The following CEP68 variants were observed in gnomAD, a reference collection of about 807,000 sequenced individuals.
CEP68 encodes centrosomal protein of 68 kDa.
CEP68 carries 26 observed loss-of-function variants against 55.3 expected under a neutral mutation model. The observed-to-expected ratio is 0.47, with a 90% confidence interval of 0.34 to 0.65. The LOEUF is 0.65. Ranked by LOEUF, CEP68 falls within the 30% of genes least tolerant of loss-of-function variation. The pLI is 0.01. For missense variants in CEP68, 957 were observed against 946.7 expected (o/e 1.01, Z -0.14); for synonymous variants, 402 against 383.2 (o/e 1.05, Z -0.57).
intron 1 of CEP68, among the ~76,000 whole-genome samples, chr2:65,056,779 G>C (rs1171725783): frequency 1.3e-5 from 2 of 152,098 alleles, no homozygotes; most frequent in South Asian, 4.1e-4. Context: ...TGTGGCGGCC[G>C]AGGGGTCGGG....
chr2:65,081,223 AAAAG>A (rs1676997858), intron 5 of CEP68, among the ~76,000 whole-genome samples: 1 of 151,334 alleles, frequency 6.6e-6, no homozygotes, highest in Non-Finnish European at 1.5e-5. Context: ...AAAAAAAAAA[AAAAG>A]AAACTGGAGG....
chr2:65,056,691 G>A (rs1402315092), intron 1 of CEP68, among the ~76,000 whole-genome samples, 163 bp downstream of exon 1: 1 of 152,026 alleles, frequency 6.6e-6, no homozygotes, highest in Non-Finnish European at 1.5e-5. Flanking sequence ...GTCCCCGCCG[G>A]CAAGGGCACA....
Position 65,069,494 on chromosome 2 carries a change from AGGCCCAGTCCTATGGGAGAGG to A in CEP68, c.52_72del (p.Ala18_Gly24del), listed in dbSNP as rs780498389. ...GAAGCGGAAGCATCTGAAGACACAA[AGGCCCAGTCCTATGGGAGAGG>A]GAGCTGCAGGGAGCGGGAGCTGGAC... is the stretch of plus-strand genomic sequence containing the variant. On this transcript the variant is annotated inframe_deletion, in exon 2 of 7. Coordinates refer to ENST00000377990, the MANE Select transcript of CEP68 (RefSeq NM_015147.3). 7.8e-6 allele frequency: 12 copies of A among 1,539,386 alleles called. No homozygotes were observed. The highest frequency in any genetic ancestry group is 2.5e-5 in the South Asian group (2 of 80,024).
In CEP68 at chr2:65,072,188, C is replaced by A; in HGVS notation, c.1092C>A (p.Ala364=). The change falls in exon 3 of 7, where the codon GCC becomes GCA. Residue 364 remains alanine, a synonymous_variant. Transcript: ENST00000377990. ...ACTGCCCACCAGCAGAGGCCACTGC[C>A]CTGCCATTTTCTGGGCCCAGAGAGC... ...SPNCPPAEAT[A]LPFSGPREPS... The A allele has an allele frequency of 1.9e-6, 3 of 1,614,122 alleles. No homozygotes were observed. Among genetic ancestry groups the A allele is most frequent in the Non-Finnish European group, 2.5e-6 (3 of 1,180,024 alleles).
chr2:65,081,097 A>G (rs988833106), intron 5 of CEP68, among the ~76,000 whole-genome samples: 4 of 151,288 alleles, frequency 2.6e-5, no homozygotes, highest in African/African-American at 4.9e-5. Context: ...AGTAATTCCA[A>G]CTACTGGGGA....
intron 1 of CEP68, among the ~76,000 whole-genome samples, chr2:65,067,728 C>A (rs771054646): frequency 1.3e-5 from 2 of 152,190 alleles, no homozygotes; most frequent in African/African-American, 4.8e-5. Flanking sequence ...GAGAGACTTA[C>A]ATCTGCTGTG....
intron 1 of CEP68, among the ~76,000 whole-genome samples, chr2:65,057,265 A>G (rs1352189723): frequency 6.6e-6 from 1 of 152,236 alleles, no homozygotes; most frequent in Non-Finnish European, 1.5e-5. Context: ...GAAGGGAGGT[A>G]GCGTTTGTAA....
chr2:65,075,759 C>T (rs1237070543), intron 4 of CEP68, among the ~76,000 whole-genome samples: 2 of 152,152 alleles, frequency 1.3e-5, no homozygotes, highest in African/African-American at 4.8e-5. Flanking sequence ...ATGGTCTGAG[C>T]CTGAGGCTAG....
At chr2:65,076,195 C>T (rs569243689) in intron 4 of CEP68, among the ~76,000 whole-genome samples, 3 of 152,238 alleles carry the variant, frequency 2.0e-5, no homozygotes, top group East Asian at 1.9e-4. Flanking sequence ...CGTGCATGCA[C>T]GCAGCTGTGC....
intron 1 of CEP68, among the ~76,000 whole-genome samples, chr2:65,058,497 C>CTTTTTTTTTT (rs34477880): frequency 2.6e-5 from 2 of 75,682 alleles, no homozygotes; most frequent in East Asian, 4.5e-4. Flanking sequence ...GATTTTTTTC[C>CTTTTTTTTTT]TTTTTTTTTT....
intron 4 of CEP68, among the ~76,000 whole-genome samples, chr2:65,075,641 A>G (rs538808209): frequency 4.1e-4 from 63 of 152,282 alleles, no homozygotes; most frequent in African/African-American, 1.4e-3. Context: ...TAAATTATAT[A>G]GTTGTCATCC....
At chr2:65,061,036 G>A (rs528736727) in intron 1 of CEP68, among the ~76,000 whole-genome samples, 11 of 152,252 alleles carry the variant, frequency 7.2e-5, no homozygotes, top group African/African-American at 1.2e-4. Context: ...AATTAGCCAG[G>A]CGTGGTGGTG....
At position 65,069,491 on chromosome 2, in the gene CEP68, C is replaced by A. The variant is rs769771954; in HGVS notation, c.47C>A (p.Thr16Lys). ...EKAEAEASED[T>K]KAQSYGRGSC... is the part of the protein sequence containing the mutation. ...GCAGAAGCGGAAGCATCTGAAGACA[C>A]AAAGGCCCAGTCCTATGGGAGAGGG... Residue 16 changes from threonine (T) to lysine (K), a missense_variant, in exon 2 of 7, where the codon ACA (threonine) becomes AAA (lysine). Coordinates refer to ENST00000377990, the MANE Select transcript of CEP68 (RefSeq NM_015147.3). 1.3e-6 allele frequency: 2 copies of A among 1,538,284 alleles called. No homozygotes were observed. The highest frequency in any genetic ancestry group is 1.3e-5 in the South Asian group (1 of 79,640).
intron 4 of CEP68, among the ~76,000 whole-genome samples, chr2:65,077,658 G>A (rs950366834): frequency 6.6e-6 from 1 of 152,142 alleles, no homozygotes. Context: ...AAACTAAACA[G>A]GAAAAACTAC....
chr2:65,086,024 G>C lies in CEP68; in HGVS notation c.*2390G>C, dbSNP rs190374443. Reference sequence around the variant, plus strand: ...CTCAAAGCTGGATCAGCAGTTTCAAGATCTGGGTTCTTGGAGATCCATAGG... The same window carrying C: ...CTCAAAGCTGGATCAGCAGTTTCAACATCTGGGTTCTTGGAGATCCATAGG... On this transcript the variant is annotated 3_prime_UTR_variant, in exon 7 of 7. Coordinates refer to ENST00000377990, the MANE Select transcript of CEP68 (RefSeq NM_015147.3). 1 of 152,322 alleles carries C rather than the reference G, an allele frequency of 6.6e-6. No homozygotes were observed. The highest frequency in any genetic ancestry group is 2.4e-5 in the African/African-American group (1 of 41,568). 9.4% of individuals were successfully genotyped at this position (152,322 alleles called of 1,614,324 possible).
Position 65,077,895 on chromosome 2 carries a change from C to G in CEP68, c.2035C>G (p.Gln679Glu), listed in dbSNP as rs1196023405. The change falls in exon 5 of 7, where the codon CAG becomes GAG. Residue 679 changes from glutamine (Q) to glutamate (E), a missense_variant. Coordinates refer to ENST00000377990, the MANE Select transcript of CEP68 (RefSeq NM_015147.3). The stretch of plus-strand genomic sequence containing the variant: ...ATTTAAGAAAGATATAGATGAACAT[C>G]AGTCTCTGACGGAGAGTGTCTTACA... ...RQFKKDIDEH[Q>E]SLTESVLQKG... 2 of 1,613,838 alleles carry G rather than the reference C, an allele frequency of 1.2e-6. No homozygotes were observed. The highest frequency in any genetic ancestry group is 2.2e-5 in the South Asian group (2 of 91,056).
At chr2:65,067,279 C>T (rs1676237355) in intron 1 of CEP68, among the ~76,000 whole-genome samples, 1 of 151,976 alleles carries the variant, frequency 6.6e-6, no homozygotes, top group Non-Finnish European at 1.5e-5. Flanking sequence ...AGCCGGGAGG[C>T]TGAGGTAGGA....
intron 6 of CEP68, 95 bp downstream of exon 6, chr2:65,082,804 T>A: frequency 9.6e-7 from 1 of 1,045,920 alleles, no homozygotes; most frequent in South Asian, 1.8e-5. Flanking sequence ...AACTATTATT[T>A]AAACAAATGA....
intron 4 of CEP68, among the ~76,000 whole-genome samples, chr2:65,076,750 A>G (rs1676781779): frequency 6.6e-6 from 1 of 152,112 alleles, no homozygotes; most frequent in South Asian, 2.1e-4. Context: ...AGTAAATCCA[A>G]GGGTAAAACT....
Sources: allele counts gnomAD v4.1 joint callset (sites outside exome capture counted in the v4.1 genomes callset), GRCh38; gene constraint gnomAD v4.1.1; transcripts MANE v1.5; gene names NCBI Gene and HGNC (gene_info 2026-07-23, HGNC 2026-07-21).